The following HERC3 variants were observed in gnomAD, a reference collection of about 807,000 sequenced individuals.
The protein encoded by HERC3 is HECT and RLD domain containing E3 ubiquitin protein ligase 3, also known as probable E3 ubiquitin-protein ligase HERC3.
In HERC3, 58 loss-of-function variants were observed where a neutral mutation model predicts 129.9. The ratio of observed to expected loss-of-function variants is 0.45; its 90% CI spans 0.36 to 0.56. The LOEUF is 0.56. Among genes scored for constraint, HERC3 ranks in the 20% least tolerant of loss-of-function variants. The pLI is 0.00. For missense variants in HERC3, 835 were observed against 1,244.2 expected (o/e 0.67, Z 4.95); for synonymous variants, 430 against 451.0 (o/e 0.95, Z 0.59).
intron 2 of HERC3, among the ~76,000 whole-genome samples, chr4:88,604,077 A>G (rs1723338636): frequency 6.6e-6 from 1 of 151,948 alleles, no homozygotes; most frequent in African/African-American, 2.4e-5. Context: ...CTGGAGTGCA[A>G]TGGCGTGACC....
At chr4:88,682,946 A>G (rs1313131384) in intron 21 of HERC3, among the ~76,000 whole-genome samples, 1 of 152,186 alleles carries the variant, frequency 6.6e-6, no homozygotes, top group Non-Finnish European at 1.5e-5. Flanking sequence ...TCAACAGTGT[A>G]AAAGTGTTCT....
At chr4:88,567,828 T>C in the HERC3 span, among the ~76,000 whole-genome samples, 24 of 152,318 alleles carry the variant, frequency 1.6e-4, no homozygotes, top group Admixed American at 1.3e-3. Flanking sequence ...AGGTCATGTT[T>C]TCCTGGATGG....
At chr4:88,559,308 C>A in the HERC3 span, among the ~76,000 whole-genome samples, 1 of 152,048 alleles carries the variant, frequency 6.6e-6, no homozygotes, top group Non-Finnish European at 1.5e-5. Context: ...AGCATGAATT[C>A]CAAATACAGT....
At chr4:88,580,889 C>T in the HERC3 span, among the ~76,000 whole-genome samples, 3 of 152,068 alleles carry the variant, frequency 2.0e-5, no homozygotes, top group Non-Finnish European at 4.4e-5. Flanking sequence ...TTATTAGGTC[C>T]GTCCCTAAAC....
At chr4:88,551,799 A>G in the HERC3 span, among the ~76,000 whole-genome samples, 2 of 152,176 alleles carry the variant, frequency 1.3e-5, no homozygotes, top group African/African-American at 4.8e-5. Flanking sequence ...TACCCAAAGG[A>G]CTATAAATCA....
intron 3 of HERC3, among the ~76,000 whole-genome samples, chr4:88,614,998 C>T (rs1447564648): frequency 1.3e-5 from 2 of 152,168 alleles, no homozygotes; most frequent in African/African-American, 4.8e-5. Flanking sequence ...ATTCTGAATT[C>T]TAACAAATGT....
the HERC3 span, among the ~76,000 whole-genome samples, chr4:88,584,240 T>C: frequency 6.6e-6 from 1 of 152,186 alleles, no homozygotes; most frequent in African/African-American, 2.4e-5. Flanking sequence ...TCTTAACCAA[T>C]GACATCTGCA....
chr4:88,550,085 A>T, the HERC3 span, among the ~76,000 whole-genome samples: 1 of 152,214 alleles, frequency 6.6e-6, no homozygotes, highest in South Asian at 2.1e-4. Flanking sequence ...ATAACCCCAT[A>T]ATACTCGACC....
At chr4:88,562,718 A>G in the HERC3 span, among the ~76,000 whole-genome samples, 1 of 152,134 alleles carries the variant, frequency 6.6e-6, no homozygotes, top group African/African-American at 2.4e-5. Flanking sequence ...TCTTCTGCAT[A>G]TGGATATCCA....
intron 10 of HERC3, among the ~76,000 whole-genome samples, chr4:88,660,918 C>T (rs991945375): frequency 6.6e-6 from 1 of 152,116 alleles, no homozygotes; most frequent in Non-Finnish European, 1.5e-5. Context: ...GATTCAAAGT[C>T]CAGCCAAAGT....
chr4:88,582,233 AT>A, the HERC3 span, among the ~76,000 whole-genome samples: 6,479 of 152,082 alleles, frequency 0.043, 382 homozygotes, highest in East Asian at 0.27. Context: ...TTTAAAAAAA[AT>A]TTTTTTTAAT....
intron 23 of HERC3, chr4:88,697,575 C>G: frequency 6.2e-7 from 1 of 1,614,100 alleles, no homozygotes; most frequent in Non-Finnish European, 8.5e-7. Flanking sequence ...TTGGGGCATT[C>G]TCTGCAGGGG....
chr4:88,599,959 G>A (rs1722803071), intron 2 of HERC3, among the ~76,000 whole-genome samples: 2 of 152,112 alleles, frequency 1.3e-5, no homozygotes, highest in Admixed American at 1.3e-4. Context: ...TTACTATACA[G>A]CACAGCATAG....
chr4:88,665,936 A>G (rs1731000237), intron 12 of HERC3, among the ~76,000 whole-genome samples: 1 of 152,200 alleles, frequency 6.6e-6, no homozygotes, highest in Non-Finnish European at 1.5e-5. Context: ...CCCAAAGGAC[A>G]TTTGGCAATT....
chr4:88,654,794 T>G (rs72882991), intron 7 of HERC3, among the ~76,000 whole-genome samples: 2,810 of 152,258 alleles, frequency 0.018, 71 homozygotes, highest in African/African-American at 0.063. Flanking sequence ...AACAGCTTAC[T>G]TACCAAGGAA....
chr4:88,526,242 A>G, the HERC3 span, among the ~76,000 whole-genome samples: 8 of 152,236 alleles, frequency 5.3e-5, no homozygotes, highest in African/African-American at 1.9e-4. Context: ...AATTTCCAAT[A>G]TGGATACTAT....
At chr4:88,705,251 T>A (rs1353392086) in intron 25 of HERC3, among the ~76,000 whole-genome samples, 1 of 152,244 alleles carries the variant, frequency 6.6e-6, no homozygotes, top group Non-Finnish European at 1.5e-5. Flanking sequence ...ATTGTTTGGA[T>A]TAACCTCTCT....
At position 88,664,356 on chromosome 4, in the gene HERC3, C is replaced by A; in HGVS notation, c.1331+144C>A. 3 of 634,712 alleles carry A rather than the reference C, an allele frequency of 4.7e-6. No homozygotes were observed. In the South Asian group the frequency reaches 6.8e-5, roughly 14 times the overall value. The allele number at this position is 634,712 out of a possible 1,614,324, so 39.3% of individuals were successfully genotyped here. A position where few individuals can be genotyped will look rare whatever the true frequency, so the allele number is the denominator to read the frequency against. On this transcript the variant is annotated intron_variant, in intron 12 of 25. Transcript: ENST00000402738. ...CATGCCTGTGAATAGCCACTGAATT[C>A]CAGCCTGGACAACATAGTGAGGCCC...
chr4:88,672,385 T>C, intron 16 of HERC3, among the ~76,000 whole-genome samples: 1 of 152,234 alleles, frequency 6.6e-6, no homozygotes, highest in East Asian at 1.9e-4. Flanking sequence ...TATGGAAAAT[T>C]ACATGAAATT....
Sources: gnomAD v4.1 joint callset for allele counts (sites outside exome capture counted in the v4.1 genomes callset) on GRCh38, gnomAD v4.1.1 for gene constraint, MANE v1.5 for transcripts, NCBI Gene and HGNC (gene_info 2026-07-23, HGNC 2026-07-21) for gene names.